Variants in PIK3AP1 observed in about 807,000 individuals in gnomAD.
The protein encoded by PIK3AP1 is phosphoinositide 3-kinase adapter protein 1.
In PIK3AP1, 21 loss-of-function variants were observed where a neutral mutation model predicts 88.1. The ratio of observed to expected loss-of-function variants is 0.24; its 90% confidence interval spans 0.17 to 0.34. The LOEUF (loss-of-function observed/expected upper bound fraction) is 0.34. Among genes scored for constraint, PIK3AP1 ranks in the 10% least tolerant of loss-of-function variants. PIK3AP1 has a pLI of 1.00. For synonymous variants in PIK3AP1, 398 were observed against 400.0 expected (o/e 1.00, Z 0.06); for missense variants, 828 against 1,035.7 (o/e 0.80, Z 2.75).
intron 2 of PIK3AP1, among the ~76,000 whole-genome samples, chr10:96,708,851 C>T (rs1261012578): frequency 6.6e-6 from 1 of 151,952 alleles, no homozygotes; most frequent in Non-Finnish European, 1.5e-5. Flanking sequence ...AATGCCTTGG[C>T]GGGGCACGGA....
chr10:96,670,450 G>A (rs1843830095), intron 2 of PIK3AP1, among the ~76,000 whole-genome samples: 1 of 152,182 alleles, frequency 6.6e-6, no homozygotes, highest in African/African-American at 2.4e-5. Flanking sequence ...ATGGAAGAGT[G>A]AGAAAATTTC....
intron 15 of PIK3AP1, among the ~76,000 whole-genome samples, chr10:96,603,426 C>T (rs75885111): frequency 6.6e-6 from 1 of 152,136 alleles, no homozygotes. Flanking sequence ...GGCAGACCCA[C>T]CCTTAATCTG....
At chr10:96,693,481 T>C (rs1219124725) in intron 2 of PIK3AP1, among the ~76,000 whole-genome samples, 1 of 71,154 alleles carries the variant, frequency 1.4e-5, no homozygotes, top group East Asian at 4.3e-4. Flanking sequence ...GATTTGTGTG[T>C]GTACTCCTCG....
Position 96,626,979 on chromosome 10 carries a change from G to A in PIK3AP1, c.1472-74C>T. On this transcript the variant is annotated intron_variant, in intron 9 of 16. Coordinates refer to ENST00000339364, the MANE Select transcript of PIK3AP1 (RefSeq NM_152309.3). ...GTGATCATCAGTCATAAAGCAGAGT[G>A]AGGGACCTTACTTTGTTTCCTCAGT... 1.4e-5 allele frequency: 19 copies of A among 1,401,332 alleles called. 1 individual carries two copies. In the South Asian group the frequency reaches 2.1e-4, roughly 15 times the overall value. The allele number at this position is 1,401,332 out of a possible 1,614,324, so 86.8% of individuals were successfully genotyped here. A position where few individuals can be genotyped will look rare whatever the true frequency, so the allele number is the denominator to read the frequency against.
intron 2 of PIK3AP1, among the ~76,000 whole-genome samples, chr10:96,664,389 C>T (rs975518873): frequency 2.6e-5 from 4 of 152,186 alleles, no homozygotes; most frequent in Non-Finnish European, 5.9e-5. Context: ...CTCCCTCCCT[C>T]CTTCCTTCTA....
At chr10:96,640,266 G>A (rs1429365774) in intron 8 of PIK3AP1, among the ~76,000 whole-genome samples, 6 of 152,124 alleles carry the variant, frequency 3.9e-5, no homozygotes, top group African/African-American at 9.7e-5. Flanking sequence ...CGCTCCTTTC[G>A]CTTTATGGAA....
intron 2 of PIK3AP1, among the ~76,000 whole-genome samples, chr10:96,679,153 T>TA (rs1043151018): frequency 2.6e-5 from 4 of 152,218 alleles, no homozygotes; most frequent in African/African-American, 9.6e-5. Context: ...GATTTTTTTT[T>TA]ATCATGGTCA....
chr10:96,615,299 GC>G (rs34890320), intron 13 of PIK3AP1, among the ~76,000 whole-genome samples: 25,065 of 151,984 alleles, frequency 0.16, 2,229 homozygotes, highest in East Asian at 0.31. Flanking sequence ...TGGGACAGGA[GC>G]CCCTGGAAGG....
chr10:96,674,757 C>T (rs938063406), intron 2 of PIK3AP1, among the ~76,000 whole-genome samples: 5 of 152,248 alleles, frequency 3.3e-5, no homozygotes, highest in African/African-American at 1.2e-4. Flanking sequence ...TGGAGAGAAA[C>T]AGGAAACTGT....
chr10:96,639,780 A>G (rs1241838047), intron 8 of PIK3AP1, among the ~76,000 whole-genome samples: 1 of 152,220 alleles, frequency 6.6e-6, no homozygotes, highest in Non-Finnish European at 1.5e-5. Flanking sequence ...GAGCCTCAGC[A>G]GTCACAGGGA....
intron 8 of PIK3AP1, among the ~76,000 whole-genome samples, chr10:96,629,713 A>C (rs1378267524): frequency 1.1e-5 from 1 of 89,172 alleles, no homozygotes; most frequent in African/African-American, 4.3e-5. Flanking sequence ...CCCCATCTCT[A>C]CAAAAAAAAA....
chr10:96,616,824 AT>A, intron 12 of PIK3AP1, 113 bp from the exon 13 acceptor site: 1 of 990,394 alleles, frequency 1.0e-6, no homozygotes, highest in Non-Finnish European at 1.6e-6. Context: ...TTGCAGTCAC[AT>A]TTACAACATG....
intron 8 of PIK3AP1, among the ~76,000 whole-genome samples, chr10:96,643,356 CT>C: frequency 6.6e-6 from 1 of 152,344 alleles, no homozygotes; most frequent in East Asian, 1.9e-4. Context: ...GGCTGTGACA[CT>C]TTGGGAATGT....
intron 2 of PIK3AP1, among the ~76,000 whole-genome samples, chr10:96,708,574 CAA>C (rs924470384): frequency 3.1e-4 from 4 of 12,824 alleles, no homozygotes; most frequent in African/African-American, 6.5e-4. Context: ...GGATCTGTCT[CAA>C]AAAAAAAAAA....
At chr10:96,610,218 G>C (rs1216464277) in intron 13 of PIK3AP1, among the ~76,000 whole-genome samples, 3 of 152,222 alleles carry the variant, frequency 2.0e-5, no homozygotes, top group African/African-American at 7.2e-5. Context: ...ACTCCAGCAA[G>C]ACAGTTCTCC....
At chr10:96,700,425 C>A (rs684211) in intron 2 of PIK3AP1, among the ~76,000 whole-genome samples, 6,997 of 152,256 alleles carry the variant, frequency 0.046, 556 homozygotes, top group African/African-American at 0.16. Context: ...GTGTGAACAA[C>A]CCCTGATTCC....
intron 8 of PIK3AP1, among the ~76,000 whole-genome samples, chr10:96,641,240 A>C (rs1432164339): frequency 6.6e-6 from 1 of 152,050 alleles, no homozygotes; most frequent in Non-Finnish European, 1.5e-5. Context: ...TTCAATTAAC[A>C]CTGGGAGCTT....
At chr10:96,717,833 A>C (rs1203831988) in intron 1 of PIK3AP1, among the ~76,000 whole-genome samples, 1 of 152,160 alleles carries the variant, frequency 6.6e-6, no homozygotes, top group African/African-American at 2.4e-5. Context: ...GGCCAAGTCC[A>C]TTTCATTTTA....
intron 7 of PIK3AP1, among the ~76,000 whole-genome samples, chr10:96,646,153 G>A (rs955031633): frequency 9.2e-5 from 14 of 152,050 alleles, no homozygotes; most frequent in African/African-American, 2.9e-4. Context: ...CCAGCTACTC[G>A]GGAGGCCGAG....
Sources: gnomAD v4.1 joint callset for allele counts (sites outside exome capture counted in the v4.1 genomes callset) on GRCh38, gnomAD v4.1.1 for gene constraint, MANE v1.5 for transcripts, NCBI Gene and HGNC (gene_info 2026-07-23, HGNC 2026-07-21) for gene names.